The following FAT3 variants were observed in gnomAD, a reference collection of about 807,000 sequenced individuals.
FAT3 encodes the protein FAT atypical cadherin 3, also known as protocadherin Fat 3.
In FAT3, 95 loss-of-function variants were observed where a neutral mutation model predicts 310.2. The observed-to-expected ratio is 0.31, with a 90% CI of 0.26 to 0.36. The LOEUF is 0.36. Among genes scored for constraint, FAT3 ranks in the 10% least tolerant of loss-of-function variants. FAT3 has a pLI of 1.00. For synonymous variants in FAT3, 2,314 were observed against 2,192.9 expected, an observed-to-expected ratio of 1.06 and a Z score of -1.54; for missense variants, 5,408 against 5,715.6, an observed-to-expected ratio of 0.95 and a Z score of 1.74.
At chr11:92,872,923 C>T (rs1453801360) in intron 22 of FAT3, among the ~76,000 whole-genome samples, 1 of 152,176 alleles carries the variant, frequency 6.6e-6, no homozygotes, top group African/African-American at 2.4e-5. Flanking sequence ...ACATGATAAC[C>T]TATCCACCAG....
intron 2 of FAT3, among the ~76,000 whole-genome samples, chr11:92,489,698 A>G (rs1367889153): frequency 6.6e-6 from 1 of 152,090 alleles, no homozygotes; most frequent in Non-Finnish European, 1.5e-5. Context: ...TCATTGCTCT[A>G]TATCAAACTA....
chr11:92,239,669 T>C (rs776382842), intron 1 of FAT3, among the ~76,000 whole-genome samples: 1 of 152,138 alleles, frequency 6.6e-6, no homozygotes, highest in Non-Finnish European at 1.5e-5. Context: ...CAGTTCCCTA[T>C]GGCTGTGCTT....
chr11:92,245,936 A>G (rs1036047714), intron 1 of FAT3, among the ~76,000 whole-genome samples: 3 of 152,130 alleles, frequency 2.0e-5, no homozygotes, highest in Non-Finnish European at 2.9e-5. Flanking sequence ...GGGGAGTGTC[A>G]TGGAAGCCAA....
At chr11:92,425,681 C>T (rs372845541) in intron 2 of FAT3, among the ~76,000 whole-genome samples, 4 of 152,082 alleles carry the variant, frequency 2.6e-5, no homozygotes, top group African/African-American at 9.6e-5. Flanking sequence ...TGGTGGTTTC[C>T]GACTTTATCT....
At position 92,502,280 on chromosome 11, in the gene FAT3, G is replaced by C. The variant is rs1281216540; in HGVS notation, c.3293-22354G>C. Among the ~76,000 whole-genome samples the C allele has an allele frequency of 2.6e-5, 4 of 151,986 alleles. No individual in the cohort carries two copies. The East Asian group carries it at 7.8e-4, about 30-fold the overall frequency. The stretch of plus-strand genomic sequence containing the variant: ...TAACCTGGAGATGAAGCAGAGGATA[G>C]GGTAGTTTGTTCCTATGAAGTCTAA... On this transcript the variant is annotated intron_variant, in intron 2 of 27. Coordinates refer to ENST00000525166, the MANE Select transcript of FAT3 (RefSeq NM_001367949.2).
chr11:92,735,259 G>T (rs1945307682), intron 4 of FAT3, among the ~76,000 whole-genome samples: 1 of 152,130 alleles, frequency 6.6e-6, no homozygotes, highest in African/African-American at 2.4e-5. Context: ...GCTAATCATA[G>T]CCATTTTCAT....
At chr11:92,349,503 C>T (rs776369703) in intron 1 of FAT3, among the ~76,000 whole-genome samples, 14 of 152,234 alleles carry the variant, frequency 9.2e-5, no homozygotes, top group Non-Finnish European at 1.9e-4. Context: ...ACACTGTGGG[C>T]TTCGCCACTC....
At chr11:92,823,894 A>C (rs1948034035) in intron 13 of FAT3, among the ~76,000 whole-genome samples, 1 of 152,182 alleles carries the variant, frequency 6.6e-6, no homozygotes, top group Admixed American at 6.5e-5. Context: ...GGGCCTCTTC[A>C]TGGCAACTTC....
chr11:92,692,416 G>A (rs183126212), intron 3 of FAT3, among the ~76,000 whole-genome samples: 1 of 152,240 alleles, frequency 6.6e-6, no homozygotes, highest in Admixed American at 6.5e-5. Context: ...TGCCCTATTA[G>A]GGAAGACTGA....
intron 14 of FAT3, among the ~76,000 whole-genome samples, chr11:92,834,386 T>C (rs1405183601): frequency 6.6e-6 from 1 of 152,240 alleles, no homozygotes; most frequent in African/African-American, 2.4e-5. Flanking sequence ...GATAAGTGCA[T>C]TTTAACTTGG....
intron 1 of FAT3, among the ~76,000 whole-genome samples, chr11:92,281,569 T>C (rs1181626426): frequency 6.6e-6 from 1 of 152,080 alleles, no homozygotes; most frequent in Non-Finnish European, 1.5e-5. Context: ...CTCATTCATC[T>C]CTCCCTGGTC....
intron 3 of FAT3, among the ~76,000 whole-genome samples, chr11:92,644,856 C>T (rs1223563104): frequency 6.6e-6 from 1 of 152,154 alleles, no homozygotes; most frequent in Non-Finnish European, 1.5e-5. Flanking sequence ...GTTATGTCTC[C>T]ATGTAGTGAT....
intron 10 of FAT3, among the ~76,000 whole-genome samples, chr11:92,802,178 A>G (rs1382986001): frequency 2.0e-5 from 3 of 152,188 alleles, no homozygotes; most frequent in Non-Finnish European, 2.9e-5. Flanking sequence ...TCCTATTTAA[A>G]AAGGAGTCCA....
chr11:92,545,344 T>C (rs1954581964), intron 3 of FAT3, among the ~76,000 whole-genome samples: 1 of 152,212 alleles, frequency 6.6e-6, no homozygotes. Context: ...GACCTATTTA[T>C]TTTGTTGATC....
chr11:92,351,443 C>T (rs1482939778), intron 1 of FAT3, among the ~76,000 whole-genome samples: 2 of 152,036 alleles, frequency 1.3e-5, no homozygotes, highest in African/African-American at 4.8e-5. Context: ...ACAGTTAATC[C>T]TTTTTAAATA....
chr11:92,343,269 T>C (rs1459809472), intron 1 of FAT3, among the ~76,000 whole-genome samples: 1 of 152,208 alleles, frequency 6.6e-6, no homozygotes, highest in East Asian at 1.9e-4. Flanking sequence ...GGTTGGGTTT[T>C]GGTCGTAGTC....
intron 3 of FAT3, among the ~76,000 whole-genome samples, chr11:92,677,070 C>T (rs1943309566): frequency 6.6e-6 from 1 of 152,126 alleles, no homozygotes; most frequent in Admixed American, 6.6e-5. Context: ...TATTATTATC[C>T]CTGTTACAGG....
intron 3 of FAT3, among the ~76,000 whole-genome samples, chr11:92,687,921 C>T (rs751486756): frequency 6.6e-6 from 1 of 151,888 alleles, no homozygotes; most frequent in Non-Finnish European, 1.5e-5. Flanking sequence ...TCAAAACAGG[C>T]TGGGCAAGGT....
At position 92,353,634 on chromosome 11, in the gene FAT3, A is replaced by G. The variant is rs1251123520; in HGVS notation, c.1522A>G (p.Thr508Ala). The G allele has an allele frequency of 6.2e-7, 1 of 1,613,870 alleles. No individual in the cohort carries two copies. The highest frequency in any genetic ancestry group is 8.5e-7 in the Non-Finnish European group (1 of 1,179,862). ...DKDKGENGYI[T>A]YSIASLNLLP... ...GGATAAAGGAGAAAATGGGTACATC[A>G]CCTATAGTATCGCTAGCCTGAATTT... The change falls in exon 2 of 28, where the codon ACC becomes GCC. Residue 508 changes from threonine to alanine, a missense_variant. Transcript: ENST00000525166.
Sources: allele counts gnomAD v4.1 joint callset (sites outside exome capture counted in the v4.1 genomes callset), GRCh38; gene constraint gnomAD v4.1.1; transcripts MANE v1.5; gene names NCBI Gene and HGNC (gene_info 2026-07-23, HGNC 2026-07-21).